The following APBA1 variants were observed in gnomAD, a reference collection of about 807,000 sequenced individuals.
The protein encoded by APBA1 is amyloid beta precursor protein binding family A member 1.
Under a neutral mutation model 86.6 loss-of-function variants are expected in APBA1, and 55 were observed. The ratio of observed to expected loss-of-function variants is 0.64; its 90% CI spans 0.51 to 0.80. The LOEUF is 0.80. Ranked by LOEUF, APBA1 falls within the 30% of genes least tolerant of loss-of-function variation. The pLI, the probability that APBA1 is intolerant of heterozygous loss-of-function variation, is 0.00. For synonymous variants in APBA1, 511 were observed against 493.9 expected, an observed-to-expected ratio of 1.03 and a Z score of -0.46; for missense variants, 1,090 against 1,183.0, an observed-to-expected ratio of 0.92 and a Z score of 1.15.
At chr9:69,623,579 A>C (rs763371201) in intron 1 of APBA1, among the ~76,000 whole-genome samples, 1 of 152,202 alleles carries the variant, frequency 6.6e-6, no homozygotes, top group Non-Finnish European at 1.5e-5. Context: ...GGCCCTGACT[A>C]GATCTAATTG....
At chr9:69,585,437 G>A (rs1431421342) in intron 1 of APBA1, among the ~76,000 whole-genome samples, 1 of 152,202 alleles carries the variant, frequency 6.6e-6, no homozygotes, top group Non-Finnish European at 1.5e-5. Flanking sequence ...ATTCTTGCCA[G>A]GGCCAAAGGC....
intron 6 of APBA1, among the ~76,000 whole-genome samples, chr9:69,457,428 G>T (rs1835117500): frequency 6.6e-6 from 1 of 152,220 alleles, no homozygotes; most frequent in Non-Finnish European, 1.5e-5. Flanking sequence ...ATGATGGCAA[G>T]TGGCCCTCTC....
chr9:69,440,516 G>T (rs1379789427), intron 11 of APBA1, among the ~76,000 whole-genome samples: 1 of 152,078 alleles, frequency 6.6e-6, no homozygotes, highest in African/African-American at 2.4e-5. Flanking sequence ...CTGCCACCTT[G>T]CAGTTTGATC....
chr9:69,667,969 T>C lies in APBA1; in HGVS notation c.-70+4184A>G, dbSNP rs552453480. 1.8e-3 allele frequency among the ~76,000 whole-genome samples: 268 copies of C among 152,216 alleles called. 1 individual carries two copies. Among genetic ancestry groups the C allele is most frequent in the African/African-American group, 6.1e-3 (252 of 41,538 alleles). On this transcript the variant is annotated intron_variant, in intron 1 of 12. Coordinates refer to ENST00000265381, the MANE Select transcript of APBA1 (RefSeq NM_001163.4). Reference sequence around the variant, plus strand: ...GCTGTGTGAGTGACAGGGGCTCTCCTCACCCCTTCCAGCTTCCATGACACT... The same window carrying C: ...GCTGTGTGAGTGACAGGGGCTCTCCCCACCCCTTCCAGCTTCCATGACACT...
At chr9:69,594,341 T>C (rs1220314268) in intron 1 of APBA1, among the ~76,000 whole-genome samples, 3 of 152,176 alleles carry the variant, frequency 2.0e-5, no homozygotes, top group Non-Finnish European at 4.4e-5. Context: ...ACAGCTCACT[T>C]GAGTGACAAG....
Position 69,624,055 on chromosome 9 carries a change from C to T in APBA1, c.-70+48098G>A, listed in dbSNP as rs56135241. On this transcript the variant is annotated intron_variant, in intron 1 of 12. Coordinates refer to ENST00000265381, the MANE Select transcript of APBA1 (RefSeq NM_001163.4). ...ATTCATTTTTAACCTATCTTTAGAA[C>T]ATGCTGGCAAATTGCTTCTGAGGAT... 7.5e-3 allele frequency among the ~76,000 whole-genome samples: 1,149 copies of T among 152,248 alleles called. 10 individuals carry two copies. Among genetic ancestry groups the T allele is most frequent in the Non-Finnish European group, 0.013 (898 of 68,010 alleles).
chr9:69,577,963 T>C (rs2133953911), intron 1 of APBA1, among the ~76,000 whole-genome samples: 1 of 152,230 alleles, frequency 6.6e-6, no homozygotes, highest in South Asian at 2.1e-4. Context: ...AGAAAGCCTA[T>C]CATCCCAAGG....
intron 1 of APBA1, among the ~76,000 whole-genome samples, chr9:69,587,205 G>A (rs1437201873): frequency 3.3e-5 from 5 of 152,164 alleles, no homozygotes; most frequent in Admixed American, 3.3e-4. Context: ...TTCAGTGATG[G>A]AGAACACAAT....
chr9:69,563,000 G>T (rs148854452), intron 1 of APBA1, among the ~76,000 whole-genome samples: 269 of 152,286 alleles, frequency 1.8e-3, no homozygotes, highest in African/African-American at 6.2e-3. Context: ...GGAAATGACT[G>T]TTTTTCTAAA....
At chr9:69,539,486 T>C (rs926758410) in intron 1 of APBA1, among the ~76,000 whole-genome samples, 1 of 152,190 alleles carries the variant, frequency 6.6e-6, no homozygotes. Context: ...AAGAACCAAC[T>C]AAACACTTTT....
chr9:69,658,543 C>G (rs1320123154), intron 1 of APBA1, among the ~76,000 whole-genome samples: 2 of 148,576 alleles, frequency 1.3e-5, no homozygotes, highest in Non-Finnish European at 3.0e-5. Flanking sequence ...GCTGGGATTA[C>G]AGGCGTGCAC....
chr9:69,590,167 A>G (rs1822102859), intron 1 of APBA1, among the ~76,000 whole-genome samples: 1 of 152,196 alleles, frequency 6.6e-6, no homozygotes, highest in Non-Finnish European at 1.5e-5. Context: ...AACAAGATGT[A>G]CTATCAATGT....
At chr9:69,531,089 A>G (rs1836426136) in intron 1 of APBA1, among the ~76,000 whole-genome samples, 1 of 152,332 alleles carries the variant, frequency 6.6e-6, no homozygotes, top group South Asian at 2.1e-4. Flanking sequence ...ATTATTATTG[A>G]GAAAGTCTAC....
At chr9:69,668,552 T>C (rs927429839) in intron 1 of APBA1, among the ~76,000 whole-genome samples, 11 of 152,272 alleles carry the variant, frequency 7.2e-5, no homozygotes, top group African/African-American at 2.6e-4. Flanking sequence ...ACTACAAAAG[T>C]ATTGCCCCAA....
chr9:69,620,547 T>C (rs1408743827), intron 1 of APBA1, among the ~76,000 whole-genome samples: 1 of 152,068 alleles, frequency 6.6e-6, no homozygotes, highest in African/African-American at 2.4e-5. Context: ...CATGGTGGCA[T>C]GTGCCTGTAG....
intron 1 of APBA1, 137 bp from the exon 2 acceptor site, chr9:69,517,416 G>A: frequency 2.3e-6 from 2 of 852,192 alleles, no homozygotes; most frequent in Non-Finnish European, 3.2e-6. Flanking sequence ...GCAAATTTAA[G>A]TTCAATCTGA....
intron 1 of APBA1, among the ~76,000 whole-genome samples, chr9:69,645,788 C>T (rs891863204): frequency 6.6e-6 from 1 of 152,130 alleles, no homozygotes; most frequent in Non-Finnish European, 1.5e-5. Flanking sequence ...ATCGAGAGCT[C>T]CCTAGAGGTG....
chr9:69,495,726 C>T (rs183313239), intron 2 of APBA1, among the ~76,000 whole-genome samples: 1 of 152,184 alleles, frequency 6.6e-6, no homozygotes, highest in Admixed American at 6.5e-5. Flanking sequence ...TCACACACCC[C>T]AAACTCTGCT....
At chr9:69,648,847 C>T (rs1483384988) in intron 1 of APBA1, among the ~76,000 whole-genome samples, 1 of 152,112 alleles carries the variant, frequency 6.6e-6, no homozygotes, top group African/African-American at 2.4e-5. Context: ...TATCTAAGGG[C>T]CCACCTCCAT....
Sources: allele counts gnomAD v4.1 joint callset (sites outside exome capture counted in the v4.1 genomes callset), GRCh38; gene constraint gnomAD v4.1.1; transcripts MANE v1.5; gene names NCBI Gene and HGNC (gene_info 2026-07-23, HGNC 2026-07-21).